GRK3: variants seen among roughly 807,000 people sequenced by gnomAD.
GRK3 encodes the protein adrenergic, beta, receptor kinase 2.
GRK3 carries 54 observed loss-of-function variants against 95.7 expected under a neutral mutation model. The ratio of observed to expected loss-of-function variants is 0.56; its 90% CI spans 0.45 to 0.71. The LOEUF (loss-of-function observed/expected upper bound fraction) is 0.71. GRK3 is among the 30% of genes least tolerant of loss of function. The pLI is 0.00. For synonymous variants in GRK3, 281 were observed against 290.8 expected, an observed-to-expected ratio of 0.97 and a Z score of 0.34; for missense variants, 649 against 851.2, an observed-to-expected ratio of 0.76 and a Z score of 2.96.
chr22:25,619,277 G>A (rs2084562807), intron 2 of GRK3, among the ~76,000 whole-genome samples: 2 of 152,114 alleles, frequency 1.3e-5, no homozygotes, highest in Admixed American at 1.3e-4. Flanking sequence ...GAGCCCCTTG[G>A]TGCTCAGTGC....
intron 2 of GRK3, among the ~76,000 whole-genome samples, chr22:25,632,829 A>G (rs2084673164): frequency 1.3e-5 from 2 of 152,176 alleles, no homozygotes; most frequent in Admixed American, 1.3e-4. Context: ...TCTGGACTGT[A>G]TTCTTTTTCA....
intron 13 of GRK3, among the ~76,000 whole-genome samples, chr22:25,698,137 G>C (rs1569200844): frequency 6.8e-6 from 1 of 146,572 alleles, no homozygotes. Context: ...AGGAAGGAGA[G>C]GGAGGAAGGA....
At chr22:25,656,878 C>T (rs1187791866) in intron 3 of GRK3, among the ~76,000 whole-genome samples, 2 of 152,188 alleles carry the variant, frequency 1.3e-5, no homozygotes, top group East Asian at 1.9e-4. Flanking sequence ...GAGGAGATGA[C>T]ATCTAAACCC....
chr22:25,663,655 A>C lies in GRK3; in HGVS notation c.392A>C (p.His131Pro). 6.2e-7 allele frequency: 1 copy of C among 1,611,078 alleles called. No homozygotes were observed. The highest frequency in any genetic ancestry group is 8.5e-7 in the Non-Finnish European group (1 of 1,178,718). Residue 131 changes from histidine (H) to proline (P), a missense_variant, in exon 5 of 21, where the codon CAC (histidine) becomes CCC (proline). Transcript: ENST00000324198. ...SHPFSKQAVE[H>P]VQSHLSKKQV... Reference sequence around the variant, plus strand: ...CCTTTCTCAAAGCAAGCTGTAGAACACGTACAAAGTCATTTATCCAAGAAA... The same window carrying C: ...CCTTTCTCAAAGCAAGCTGTAGAACCCGTACAAAGTCATTTATCCAAGAAA...
chr22:25,610,553 G>A (rs2084488796), intron 2 of GRK3, among the ~76,000 whole-genome samples: 1 of 152,148 alleles, frequency 6.6e-6, no homozygotes, highest in Non-Finnish European at 1.5e-5. Flanking sequence ...AATTTCTACA[G>A]TTGTGCCCCC....
intron 1 of GRK3, among the ~76,000 whole-genome samples, chr22:25,575,518 G>A (rs969504597): frequency 2.0e-5 from 3 of 152,006 alleles, no homozygotes; most frequent in African/African-American, 7.3e-5. Context: ...AGTTATAAAG[G>A]TTAGCTCATT....
chr22:25,714,803 C>A (rs1381581981), intron 18 of GRK3, among the ~76,000 whole-genome samples: 4 of 152,112 alleles, frequency 2.6e-5, no homozygotes, highest in Non-Finnish European at 5.9e-5. Flanking sequence ...TTAGTATGCC[C>A]TTTTATCTTG....
At chr22:25,692,098 G>A (rs547745982) in intron 12 of GRK3, among the ~76,000 whole-genome samples, 15 of 152,164 alleles carry the variant, frequency 9.9e-5, no homozygotes, top group Non-Finnish European at 1.3e-4. Flanking sequence ...CAGGTAGCTG[G>A]GACCACAGTC....
rs367808658 is a variant in GRK3 at position 25,583,975 on chromosome 22, C to T, written c.113+18822C>T. ...AAATAGTTTTCTCTAAACAATGCTA[C>T]GGCAGCTTATGTGAGAAAAATACTA... On this transcript the variant is annotated intron_variant, in intron 1 of 20. Transcript: ENST00000324198. Among the ~76,000 whole-genome samples the T allele has an allele frequency of 7.0e-4, 106 of 152,272 alleles. 1 individual carries two copies. In the East Asian group the frequency reaches 0.015, roughly 21 times the overall value.
intron 3 of GRK3, among the ~76,000 whole-genome samples, chr22:25,652,069 C>T (rs1242599336): frequency 6.6e-6 from 1 of 151,970 alleles, no homozygotes; most frequent in Non-Finnish European, 1.5e-5. Flanking sequence ...GTTAGACAAA[C>T]AAAAACTGAG....
Position 25,722,475 on chromosome 22 carries a change from G to C in GRK3, c.*25G>C. The C allele has an allele frequency of 1.2e-6, 2 of 1,611,996 alleles. No individual in the cohort carries two copies. The highest frequency in any genetic ancestry group is 1.1e-5 in the South Asian group (1 of 90,988). On this transcript the variant is annotated 3_prime_UTR_variant, in exon 21 of 21. Coordinates refer to ENST00000324198, the MANE Select transcript of GRK3 (RefSeq NM_005160.4). ...GCACCCAGAAACAGGGAGGGTCCTCGAGGAGGACACACCAGGGTCTCAGCC... is the reference window on the plus strand; with the variant it reads ...GCACCCAGAAACAGGGAGGGTCCTCCAGGAGGACACACCAGGGTCTCAGCC...
rs76283894 is a variant in GRK3 at position 25,654,587 on chromosome 22, C to T, written c.265-6989C>T. Among the ~76,000 whole-genome samples, 1,283 of 152,256 alleles carry T rather than the reference C, an allele frequency of 8.4e-3. 23 individuals carry two copies. Among genetic ancestry groups the T allele is most frequent in the African/African-American group, 0.029 (1,219 of 41,554 alleles). On this transcript the variant is annotated intron_variant, in intron 3 of 20. Coordinates refer to ENST00000324198, the MANE Select transcript of GRK3 (RefSeq NM_005160.4). The stretch of plus-strand genomic sequence containing the variant: ...CATAATCAGGCATTTTACCTGGATA[C>T]GTATCCCAGCTTGATCTGTCATAAA...
chr22:25,620,257 C>G (rs1043630293), intron 2 of GRK3, among the ~76,000 whole-genome samples: 2 of 152,076 alleles, frequency 1.3e-5, no homozygotes, highest in African/African-American at 2.4e-5. Context: ...TTTGACCAGG[C>G]CTGTCTTTCA....
chr22:25,633,122 G>T (rs977213003), intron 2 of GRK3, among the ~76,000 whole-genome samples: 5 of 151,620 alleles, frequency 3.3e-5, no homozygotes, highest in Non-Finnish European at 7.4e-5. Context: ...TCACCATGTT[G>T]GCTAGACTGG....
At chr22:25,715,954 C>T (rs996201987) in intron 18 of GRK3, among the ~76,000 whole-genome samples, 12 of 152,272 alleles carry the variant, frequency 7.9e-5, no homozygotes, top group Admixed American at 4.6e-4. Flanking sequence ...CTGTTTACCT[C>T]AATTCTGCAG....
intron 10 of GRK3, among the ~76,000 whole-genome samples, chr22:25,686,108 G>A (rs2085111533): frequency 6.6e-6 from 1 of 151,578 alleles, no homozygotes; most frequent in African/African-American, 2.4e-5. Context: ...TATAGTCCCA[G>A]CTACTCGGGA....
At chr22:25,688,825 T>C (rs985302976) in intron 11 of GRK3, among the ~76,000 whole-genome samples, 1 of 152,236 alleles carries the variant, frequency 6.6e-6, no homozygotes, top group East Asian at 1.9e-4. Flanking sequence ...CTTGATGAAT[T>C]AATGATTGCG....
At chr22:25,709,734 T>C (rs1318940936) in intron 15 of GRK3, among the ~76,000 whole-genome samples, 164 bp from the exon 16 acceptor site, 9 of 152,146 alleles carry the variant, frequency 5.9e-5, no homozygotes, top group Non-Finnish European at 1.2e-4. Flanking sequence ...CTAAACATCG[T>C]AGCATTCCTC....
intron 1 of GRK3, chr22:25,581,379 T>G (rs540970186): frequency 6.6e-6 from 1 of 152,302 alleles, no homozygotes; most frequent in South Asian, 2.1e-4. Context: ...ACTGGTGACT[T>G]AAGATGTACT....
Sources: gnomAD v4.1 joint callset for allele counts (sites outside exome capture counted in the v4.1 genomes callset) on GRCh38, gnomAD v4.1.1 for gene constraint, MANE v1.5 for transcripts, NCBI Gene and HGNC (gene_info 2026-07-23, HGNC 2026-07-21) for gene names.